WWOX: variants seen among roughly 807,000 people sequenced by gnomAD.
WWOX encodes WW domain containing oxidoreductase.
A neutral mutation model predicts 46.2 loss-of-function variants in WWOX; 69 were observed. That is an observed-to-expected ratio of 1.49 (90% CI 1.23 to 1.82). The LOEUF (loss-of-function observed/expected upper bound fraction) is 1.82, where lower values mean the gene tolerates loss of function less well. WWOX is among the 40% of genes most tolerant of loss of function. WWOX has a pLI of 0.00. For missense variants in WWOX, 919 were observed against 542.6 expected (o/e 1.69, Z -6.89); for synonymous variants, 359 against 202.6 (o/e 1.77, Z -6.56).
intron 5 of WWOX, among the ~76,000 whole-genome samples, chr16:78,213,242 C>T (rs552521368): frequency 8.1e-6 from 1 of 122,726 alleles, no homozygotes; most frequent in African/African-American, 3.3e-5. Flanking sequence ...CAGAGCGAGA[C>T]TGTATCTCAA....
At chr16:79,079,584 T>A (rs8046088) in intron 8 of WWOX, among the ~76,000 whole-genome samples, 13,474 of 152,246 alleles carry the variant, frequency 0.089, 691 homozygotes, top group African/African-American at 0.11. Context: ...GCCTGTAACC[T>A]TCTGAAACTT....
At chr16:78,336,040 C>A (rs7499671) in intron 5 of WWOX, among the ~76,000 whole-genome samples, 5 of 151,694 alleles carry the variant, frequency 3.3e-5, no homozygotes, top group South Asian at 2.1e-4. Flanking sequence ...TGCAGTGAGC[C>A]GAGATCAGGC....
intron 8 of WWOX, among the ~76,000 whole-genome samples, chr16:78,862,326 ATC>A: frequency 7.0e-6 from 1 of 143,622 alleles, no homozygotes; most frequent in African/African-American, 2.9e-5. Context: ...GTCTTTCTAT[ATC>A]TATACATTAT....
At chr16:78,194,156 G>A (rs1232228122) in intron 5 of WWOX, among the ~76,000 whole-genome samples, 1 of 152,012 alleles carries the variant, frequency 6.6e-6, no homozygotes, top group African/African-American at 2.4e-5. Context: ...GGGATTACAG[G>A]CGTGAGCAAC....
intron 8 of WWOX, among the ~76,000 whole-genome samples, chr16:78,533,273 T>A (rs1238150061): frequency 1.3e-5 from 2 of 152,098 alleles, no homozygotes; most frequent in African/African-American, 4.8e-5. Context: ...CCGGGCATGG[T>A]GGCTCATGCC....
chr16:78,973,568 G>C lies in WWOX; in HGVS notation c.1057-238040G>C, dbSNP rs549574792. Among the ~76,000 whole-genome samples, 20 of 152,188 alleles carry C rather than the reference G, an allele frequency of 1.3e-4. No homozygotes were observed. In the East Asian group the frequency reaches 3.3e-3, roughly 25 times the overall value. On this transcript the variant is annotated intron_variant, in intron 8 of 8. Transcript: ENST00000566780. Reference sequence around the variant, plus strand: ...TTTTTGCTTTCTTTTTTTGGGGGCAGGGGGCACAGTTTTTCTTTCTGTCTC... The same window carrying C: ...TTTTTGCTTTCTTTTTTTGGGGGCACGGGGCACAGTTTTTCTTTCTGTCTC...
intron 8 of WWOX, among the ~76,000 whole-genome samples, chr16:78,560,786 G>T (rs193086501): frequency 1.6e-3 from 250 of 152,240 alleles, no homozygotes; most frequent in Non-Finnish European, 3.0e-3. Flanking sequence ...TGAAGGCATG[G>T]TCATTGTGAA....
At chr16:78,412,132 T>C (rs553032785) in intron 6 of WWOX, among the ~76,000 whole-genome samples, 1 of 152,290 alleles carries the variant, frequency 6.6e-6, no homozygotes, top group East Asian at 1.9e-4. Flanking sequence ...CACGGTATTT[T>C]AGGGGTTCCT....
chr16:78,543,810 C>A (rs1211836725), intron 8 of WWOX, among the ~76,000 whole-genome samples: 3 of 152,136 alleles, frequency 2.0e-5, no homozygotes, highest in African/African-American at 7.2e-5. Flanking sequence ...CCATAAATTG[C>A]ATCTCCCGCA....
intron 4 of WWOX, among the ~76,000 whole-genome samples, chr16:78,161,686 A>G (rs1163835310): frequency 6.6e-6 from 1 of 152,148 alleles, no homozygotes; most frequent in Admixed American, 6.5e-5. Flanking sequence ...AGTGATCCTC[A>G]TGCTTTGGCC....
chr16:79,010,973 G>C (rs1286301814), intron 8 of WWOX, among the ~76,000 whole-genome samples: 2 of 152,064 alleles, frequency 1.3e-5, no homozygotes, highest in Non-Finnish European at 2.9e-5. Flanking sequence ...GGAGGTTTGG[G>C]CAGGCTCTGA....
chr16:78,663,274 A>T (rs1478864975), intron 8 of WWOX, among the ~76,000 whole-genome samples: 1 of 152,166 alleles, frequency 6.6e-6, no homozygotes, highest in East Asian at 1.9e-4. Context: ...GACTTCTTTC[A>T]TTTAATGTTT....
chr16:78,178,976 C>T (rs1479615288), intron 5 of WWOX, among the ~76,000 whole-genome samples: 2 of 151,924 alleles, frequency 1.3e-5, no homozygotes, highest in Non-Finnish European at 2.9e-5. Context: ...TTACATGGGG[C>T]TGTGGACCAT....
chr16:78,240,340 A>C (rs913529085), intron 5 of WWOX, among the ~76,000 whole-genome samples: 1 of 152,132 alleles, frequency 6.6e-6, no homozygotes, highest in East Asian at 1.9e-4. Context: ...CCAAAAGACA[A>C]AACAGAAAAA....
chr16:78,777,386 G>A (rs558740330), intron 8 of WWOX, among the ~76,000 whole-genome samples: 2 of 152,220 alleles, frequency 1.3e-5, no homozygotes, highest in African/African-American at 4.8e-5. Context: ...TATGACCAGG[G>A]GCTGGACTTT....
chr16:78,972,183 C>G (rs575867284), intron 8 of WWOX, among the ~76,000 whole-genome samples: 2 of 152,294 alleles, frequency 1.3e-5, no homozygotes, highest in African/African-American at 4.8e-5. Flanking sequence ...TGAAACTGGG[C>G]TCCCTGGCCA....
At chr16:79,146,547 G>A (rs980037107) in intron 8 of WWOX, among the ~76,000 whole-genome samples, 3 of 151,948 alleles carry the variant, frequency 2.0e-5, no homozygotes, top group African/African-American at 7.3e-5. Flanking sequence ...TAACCTATCT[G>A]AAGCTTCATT....
intron 6 of WWOX, among the ~76,000 whole-genome samples, chr16:78,413,874 T>C (rs2082736818): frequency 6.6e-6 from 1 of 151,728 alleles, no homozygotes; most frequent in South Asian, 2.1e-4. Context: ...GTAATCCCAG[T>C]ACTTTGGGAG....
intron 8 of WWOX, among the ~76,000 whole-genome samples, chr16:78,679,203 C>T (rs1486411289): frequency 1.3e-5 from 2 of 152,078 alleles, no homozygotes; most frequent in African/African-American, 4.8e-5. Flanking sequence ...TTACAGGTGC[C>T]CGAGATCCTA....
Sources: gnomAD v4.1 joint callset for allele counts (sites outside exome capture counted in the v4.1 genomes callset) on GRCh38, gnomAD v4.1.1 for gene constraint, MANE v1.5 for transcripts, NCBI Gene and HGNC (gene_info 2026-07-23, HGNC 2026-07-21) for gene names.